The following MYO1E variants were observed in gnomAD, a reference collection of about 807,000 sequenced individuals.
MYO1E encodes the protein myosin IE.
In MYO1E, 68 loss-of-function variants were observed where a neutral mutation model predicts 151.1. The observed-to-expected ratio is 0.45, with a 90% confidence interval of 0.37 to 0.55. MYO1E has a LOEUF of 0.55. Among genes scored for constraint, MYO1E ranks in the 20% least tolerant of loss-of-function variants. The probability of loss-of-function intolerance (pLI) is 0.00; values close to 1 mark genes in which losing one functional copy is unlikely to be tolerated. For missense variants in MYO1E, 1,363 were observed against 1,389.3 expected (o/e 0.98, Z 0.30); for synonymous variants, 601 against 501.7 (o/e 1.20, Z -2.64).
chr15:59,205,351 A>G, intron 15 of MYO1E, 49 bp downstream of exon 15: 1 of 1,569,422 alleles, frequency 6.4e-7, no homozygotes, highest in Non-Finnish European at 8.8e-7. Flanking sequence ...TCATATTGAA[A>G]ATTTCATCAA....
chr15:59,207,727 C>T (rs756717049), intron 14 of MYO1E: 2 of 1,614,100 alleles, frequency 1.2e-6, no homozygotes, highest in South Asian at 1.1e-5. Context: ...TTTGAAGGAT[C>T]TGAACTCTGA....
intron 26 of MYO1E, among the ~76,000 whole-genome samples, chr15:59,142,715 T>G (rs2140300633): frequency 6.6e-6 from 1 of 152,282 alleles, no homozygotes; most frequent in East Asian, 1.9e-4. Flanking sequence ...TACTCCCTGC[T>G]GCAGGCCACA....
At chr15:59,278,444 C>T (rs1022784381) in intron 1 of MYO1E, among the ~76,000 whole-genome samples, 1 of 152,142 alleles carries the variant, frequency 6.6e-6, no homozygotes, top group Non-Finnish European at 1.5e-5. Context: ...TTCTGGAATT[C>T]CACCTTTTAC....
At chr15:59,202,259 C>T (rs571738525) in intron 16 of MYO1E, 67 bp downstream of exon 16, 2 of 1,381,374 alleles carry the variant, frequency 1.4e-6, no homozygotes, top group African/African-American at 2.9e-5. Flanking sequence ...CCCAGGGGTG[C>T]AGTTCCTTAC....
chr15:59,137,633 C>T (rs1414148482), intron 27 of MYO1E, among the ~76,000 whole-genome samples, 177 bp from the exon 28 acceptor site: 1 of 152,228 alleles, frequency 6.6e-6, no homozygotes, highest in African/African-American at 2.4e-5. Flanking sequence ...TAATAAAGCA[C>T]TCAGCCAAGC....
chr15:59,296,837 T>G (rs1469316669), intron 1 of MYO1E, among the ~76,000 whole-genome samples: 1 of 146,254 alleles, frequency 6.8e-6, no homozygotes, highest in Non-Finnish European at 1.5e-5. Flanking sequence ...ACATACTTTT[T>G]TCTTTTTTTT....
intron 4 of MYO1E, among the ~76,000 whole-genome samples, chr15:59,245,316 C>A (rs1333995218): frequency 1.3e-5 from 2 of 152,198 alleles, no homozygotes; most frequent in Admixed American, 1.3e-4. Context: ...TCCCTTTTAT[C>A]TTTACTACTG....
At chr15:59,371,269 C>CG (rs1319384860) in intron 1 of MYO1E, among the ~76,000 whole-genome samples, 21 of 152,108 alleles carry the variant, frequency 1.4e-4, no homozygotes, top group African/African-American at 5.1e-4. Flanking sequence ...GGCTGCTCAC[C>CG]GGGATATCGA....
intron 1 of MYO1E, among the ~76,000 whole-genome samples, chr15:59,295,570 G>A (rs1330111541): frequency 6.6e-6 from 1 of 152,224 alleles, no homozygotes; most frequent in Non-Finnish European, 1.5e-5. Context: ...CAGAGGGAAA[G>A]GGACCAACTA....
intron 1 of MYO1E, among the ~76,000 whole-genome samples, chr15:59,312,204 A>G (rs1246475089): frequency 6.6e-6 from 1 of 152,200 alleles, no homozygotes; most frequent in Non-Finnish European, 1.5e-5. Context: ...TCACAAATCA[A>G]ATCAGTTCAG....
intron 1 of MYO1E, among the ~76,000 whole-genome samples, chr15:59,310,594 G>A (rs1567010879): frequency 1.3e-5 from 2 of 152,058 alleles, no homozygotes; most frequent in African/African-American, 2.4e-5. Context: ...CCCAACCTTC[G>A]GAAGGAGCGT....
In MYO1E at chr15:59,271,943, G is replaced by T. The variant is rs367797505; in HGVS notation, c.147+363C>A. ...TGAATACTGGCTGCATCTTTACTTTGTGAAATGCCAGGAGAATAACCGGGC... is the reference window on the plus strand; with the variant it reads ...TGAATACTGGCTGCATCTTTACTTTTTGAAATGCCAGGAGAATAACCGGGC... On this transcript the variant is annotated intron_variant, in intron 2 of 27. Coordinates refer to ENST00000288235, the MANE Select transcript of MYO1E (RefSeq NM_004998.4). 1.8e-4 allele frequency among the ~76,000 whole-genome samples: 27 copies of T among 152,338 alleles called. No homozygotes were observed. The East Asian group carries it at 5.0e-3, about 28-fold the overall frequency.
chr15:59,204,461 G>A (rs2079820500), intron 15 of MYO1E, among the ~76,000 whole-genome samples: 1 of 152,232 alleles, frequency 6.6e-6, no homozygotes, highest in South Asian at 2.1e-4. Flanking sequence ...CAAAAGGGCA[G>A]CTCTTACTTG....
chr15:59,138,976 TTGCTGCCTGATACTACACCAC>T (rs1311764715), intron 26 of MYO1E, among the ~76,000 whole-genome samples: 1 of 152,150 alleles, frequency 6.6e-6, no homozygotes, highest in Non-Finnish European at 1.5e-5. Context: ...TCCTTCACCC[TTGCTGCCTGATACTACACCAC>T]TGCGCGAGTG....
At chr15:59,189,395 C>T (rs957717997) in intron 17 of MYO1E, among the ~76,000 whole-genome samples, 20 of 152,056 alleles carry the variant, frequency 1.3e-4, no homozygotes, top group Admixed American at 5.2e-4. Flanking sequence ...TTTCCCTTCC[C>T]TTTTCTTTCT....
At position 59,136,874 on chromosome 15, in the gene MYO1E, G is replaced by A. The variant is rs1244951981; in HGVS notation, c.*506C>T. 2 of 421,014 alleles carry A rather than the reference G, an allele frequency of 4.8e-6. No homozygotes were observed. The highest frequency in any genetic ancestry group is 7.1e-5 in the East Asian group (1 of 14,022). 26.1% of individuals were successfully genotyped at this position (421,014 alleles called of 1,614,324 possible). A position where few individuals can be genotyped will look rare whatever the true frequency, so the allele number is the denominator to read the frequency against. ...CAGCTTACCCTTGGCACGTACATGGGAAGTGCCTGCTCACGCTAAGCCCAG... is the reference window on the plus strand; with the variant it reads ...CAGCTTACCCTTGGCACGTACATGGAAAGTGCCTGCTCACGCTAAGCCCAG... On this transcript the variant is annotated 3_prime_UTR_variant, in exon 28 of 28. Coordinates refer to ENST00000288235, the MANE Select transcript of MYO1E (RefSeq NM_004998.4).
At chr15:59,232,026 G>A (rs1351961975) in intron 5 of MYO1E, among the ~76,000 whole-genome samples, 17 of 152,192 alleles carry the variant, frequency 1.1e-4, no homozygotes, top group African/African-American at 4.1e-4. Flanking sequence ...CAGGAGCCAG[G>A]GCCCCACTGT....
intron 1 of MYO1E, among the ~76,000 whole-genome samples, chr15:59,300,866 CTTTTT>C (rs58955743): frequency 2.4e-5 from 3 of 127,116 alleles, no homozygotes; most frequent in Admixed American, 7.9e-5. Flanking sequence ...CCTTTTTTTT[CTTTTT>C]TTTTTTTTTT....
intron 12 of MYO1E, among the ~76,000 whole-genome samples, 188 bp downstream of exon 12, chr15:59,214,040 G>A (rs2079898237): frequency 6.6e-6 from 1 of 152,212 alleles, no homozygotes; most frequent in African/African-American, 2.4e-5. Flanking sequence ...GGCAAATGCT[G>A]CAGACGGTAT....
Sources: gnomAD v4.1 joint callset for allele counts (sites outside exome capture counted in the v4.1 genomes callset) on GRCh38, gnomAD v4.1.1 for gene constraint, MANE v1.5 for transcripts, NCBI Gene and HGNC (gene_info 2026-07-23, HGNC 2026-07-21) for gene names.